ABCC6: variants seen among roughly 807,000 people sequenced by gnomAD.
ABCC6 encodes ATP binding cassette subfamily C member 6, also known as ATP-binding cassette sub-family C member 6.
In ABCC6, 126 loss-of-function variants were observed where a neutral mutation model predicts 169.5. That is an observed-to-expected ratio of 0.74 (90% CI 0.64 to 0.86). ABCC6 has a LOEUF of 0.86. Among genes scored for constraint, ABCC6 ranks in the 40% least tolerant of loss-of-function variants. ABCC6 has a pLI of 0.00. For synonymous variants in ABCC6, 752 were observed against 814.7 expected (o/e 0.92, Z 1.31); for missense variants, 1,733 against 1,927.2 (o/e 0.90, Z 1.89).
chr16:16,192,757 G>T (rs6498618), intron 11 of ABCC6, 73 bp downstream of exon 11: 2 of 1,419,876 alleles, frequency 1.4e-6, no homozygotes, highest in South Asian at 1.2e-5. Flanking sequence ...TCTCCCCTCC[G>T]CATCTCCCAC....
chr16:16,180,462 C>G (rs1484369760), intron 17 of ABCC6, among the ~76,000 whole-genome samples: 3 of 152,004 alleles, frequency 2.0e-5, no homozygotes, highest in Admixed American at 6.6e-5. Context: ...TCTATCTAGG[C>G]CTTCTTGTCT....
At position 16,165,741 on chromosome 16, in the gene ABCC6, A is replaced by C. The variant is rs72657695; in HGVS notation, c.3188T>G (p.Leu1063Arg). ...AAAGGCGTACATCAGCAGGGACCGG[A>C]GTTTGTCTGGAATGTCCACGTCAAC... Reference protein sequence around the residue: ...DTVDVDIPDKLRSLLMYAFGL... With the variant: ...DTVDVDIPDKRRSLLMYAFGL... Residue 1063 changes from leucine (L) to arginine (R), a missense_variant, in exon 23 of 31, where the codon CTC becomes CGC. By Grantham distance (102) the Leu-to-Arg change is moderately radical (BLOSUM62 -2). Transcript: ENST00000205557. 6.8e-6 allele frequency: 11 copies of C among 1,613,564 alleles called. No individual in the cohort carries two copies. The highest frequency in any genetic ancestry group is 9.3e-6 in the Non-Finnish European group (11 of 1,180,028).
intron 22 of ABCC6, among the ~76,000 whole-genome samples, chr16:16,168,255 G>C (rs4781731): frequency 1.9e-5 from 1 of 52,366 alleles, no homozygotes; most frequent in Non-Finnish European, 6.2e-5. Context: ...ACTTTGGGAG[G>C]TTGAGGCGGA....
intron 15 of ABCC6, 63 bp downstream of exon 15, chr16:16,184,896 A>G: frequency 6.5e-7 from 1 of 1,528,874 alleles, no homozygotes; most frequent in South Asian, 1.1e-5. Flanking sequence ...GGGAGGCAGC[A>G]GGAGCCCCAT....
chr16:16,204,519 A>G (rs576021465), intron 7 of ABCC6, among the ~76,000 whole-genome samples: 1 of 152,344 alleles, frequency 6.6e-6, no homozygotes, highest in East Asian at 1.9e-4. Flanking sequence ...AAGTGCAGAC[A>G]GAAGCTCAGG....
chr16:16,176,396 T>C (rs754791686), intron 19 of ABCC6, among the ~76,000 whole-genome samples: 3 of 152,182 alleles, frequency 2.0e-5, no homozygotes, highest in Non-Finnish European at 4.4e-5. Flanking sequence ...CCCCCAGGTG[T>C]GGCCAGTAAC....
In ABCC6 at chr16:16,177,531, G is replaced by A. The variant is rs72650702; in HGVS notation, c.2511C>T (p.Tyr837=). 1 of 1,613,902 alleles carries A rather than the reference G, an allele frequency of 6.2e-7. No individual in the cohort carries two copies. The highest frequency in any genetic ancestry group is 8.5e-7 in the Non-Finnish European group (1 of 1,179,938). Residue 837 remains tyrosine, a synonymous_variant, in exon 19 of 31, where the codon TAC becomes TAT. Transcript: ENST00000205557. ...ANGAIAEMGS[Y]QELLQRKGAL... Reference sequence around the variant, plus strand: ...CCCCCTTCCTCTGCAGAAGCTCCTGGTAGGAACCCATCTCTGCGATGGCCC... The same window carrying A: ...CCCCCTTCCTCTGCAGAAGCTCCTGATAGGAACCCATCTCTGCGATGGCCC...
At chr16:16,152,722 CGGGGGTGGGGGTGTGGGGT>C (rs2046424236) in intron 29 of ABCC6, among the ~76,000 whole-genome samples, 1 of 1,754 alleles carries the variant, frequency 5.7e-4, no homozygotes, top group Non-Finnish European at 2.3e-3. Context: ...CAGGGCGGGG[CGGGGGTGGGGGTGTGGGGT>C]GGGGGGCCTG....
intron 21 of ABCC6, among the ~76,000 whole-genome samples, chr16:16,170,919 CA>C (rs1220574453): frequency 0.013 from 280 of 22,314 alleles, no homozygotes; most frequent in Non-Finnish European, 0.02. Flanking sequence ...AACTCTGTCT[CA>C]AAAAAAAAAA....
chr16:16,213,423 C>T (rs1257025706), intron 5 of ABCC6, among the ~76,000 whole-genome samples: 1 of 152,084 alleles, frequency 6.6e-6, no homozygotes, highest in Non-Finnish European at 1.5e-5. Context: ...TATATGATGT[C>T]AGATCAGTCT....
rs768991063 is a variant in ABCC6 at position 16,184,950 on chromosome 16, G to A, written c.1943+9C>T. ...CATGAGGCTGGTTACTACGGGTGTC[G>A]TTCTGTACCTGTGGAGGCAGGGAGG... On this transcript the variant is annotated intron_variant, in intron 15 of 30. Transcript: ENST00000205557. 7 of 1,611,152 alleles carry A rather than the reference G, an allele frequency of 4.3e-6. No individual in the cohort carries two copies. The highest frequency in any genetic ancestry group is 2.7e-5 in the African/African-American group (2 of 75,000).
At position 16,217,946 on chromosome 16, in the gene ABCC6, T is replaced by C. The variant is rs2856593; in HGVS notation, c.474+1608A>G. Among the ~76,000 whole-genome samples, 88 of 151,372 alleles carry C rather than the reference T, an allele frequency of 5.8e-4. 2 individuals carry two copies. Among genetic ancestry groups the C allele is most frequent in the South Asian group, 5.2e-3 (25 of 4,818 alleles). On this transcript the variant is annotated intron_variant, in intron 4 of 30. Coordinates refer to ENST00000205557, the MANE Select transcript of ABCC6 (RefSeq NM_001171.6). ...CTCTACTAAAAATACAAAAATTAGC[T>C]GGGCATGGTGGCACATGCCTGTAAT...
rs771584027 is a variant in ABCC6 at position 16,161,500 on chromosome 16, C to T, written c.3571G>A (p.Val1191Met). 2 of 1,614,004 alleles carry T rather than the reference C, an allele frequency of 1.2e-6. No homozygotes were observed. Among genetic ancestry groups the T allele is most frequent in the Non-Finnish European group, 1.7e-6 (2 of 1,180,042 alleles). ...GLVFAAATCAVLSKAHLSAGL... is the reference protein window; with the variant it reads ...GLVFAAATCAMLSKAHLSAGL... ...GCACTGAGGTGGGCTTTGCTCAGCA[C>T]AGCACACGTGGCAGCTGCAAACACC... Residue 1191 changes from valine to methionine, a missense_variant, in exon 25 of 31, where the codon GTG (valine) becomes ATG (methionine). Transcript: ENST00000205557.
Position 16,178,857 on chromosome 16 carries a change from G to T in ABCC6, c.2356C>A (p.His786Asn), listed in dbSNP as rs755590289. The T allele has an allele frequency of 3.1e-6, 5 of 1,613,774 alleles. No homozygotes were observed. Among genetic ancestry groups the T allele is most frequent in the Non-Finnish European group, 4.2e-6 (5 of 1,180,012 alleles). ...LDDPLAALDA[H>N]VGQHVFNQVI... The stretch of plus-strand genomic sequence containing the variant: ...TGGTTGAAGACATGCTGGCCAACGT[G>T]GGCATCCAGGGCCGCCAGGGGGTCA... The change falls in exon 18 of 31, where the codon CAC becomes AAC. Residue 786 changes from histidine to asparagine, a missense_variant. Physicochemically the swap from His to Asn is moderately conservative, Grantham distance 68 (BLOSUM62 1). This residue lies in a region of ABCC6 where 1,601 missense variants were observed against 1,635.5 expected (regional missense o/e 0.98). Coordinates refer to ENST00000205557, the MANE Select transcript of ABCC6 (RefSeq NM_001171.6).
At chr16:16,212,956 C>T (rs987561628) in intron 5 of ABCC6, among the ~76,000 whole-genome samples, 2 of 152,022 alleles carry the variant, frequency 1.3e-5, no homozygotes, top group South Asian at 2.1e-4. Flanking sequence ...ACCAATAAGG[C>T]GTGAAGGTGC....
In ABCC6 at chr16:16,179,773, T is replaced by C. The variant is rs566151367; in HGVS notation, c.2248-808A>G. ...GCCTGGCTAGTTTCTGTATTTTTAG[T>C]AGAGATGGGGTTTCACCATGGTGGC... On this transcript the variant is annotated intron_variant, in intron 17 of 30. Transcript: ENST00000205557. 2.0e-4 allele frequency among the ~76,000 whole-genome samples: 30 copies of C among 152,250 alleles called. No homozygotes were observed. The East Asian group carries it at 5.8e-3, about 29-fold the overall frequency.
intron 20 of ABCC6, among the ~76,000 whole-genome samples, chr16:16,174,921 G>A (rs1320259020): frequency 3.3e-5 from 5 of 150,822 alleles, no homozygotes; most frequent in Non-Finnish European, 7.4e-5. Context: ...CCACCACGCC[G>A]GCTTTTTTTT....
Position 16,214,641 on chromosome 16 carries a change from G to A in ABCC6, c.475-192C>T, listed in dbSNP as rs376384684. 4.6e-5 allele frequency among the ~76,000 whole-genome samples: 7 copies of A among 152,152 alleles called. No individual in the cohort carries two copies. The East Asian group carries it at 9.7e-4, about 21-fold the overall frequency. On this transcript the variant is annotated intron_variant, in intron 4 of 30. Coordinates refer to ENST00000205557, the MANE Select transcript of ABCC6 (RefSeq NM_001171.6). Reference sequence around the variant, plus strand: ...TTTTTTTAAGACAAAGTCTCACTTGGTCGCCCAGGCTGAAGTGCAGTGGCA... The same window carrying A: ...TTTTTTTAAGACAAAGTCTCACTTGATCGCCCAGGCTGAAGTGCAGTGGCA...
At chr16:16,205,420 A>G (rs1452308275) in intron 7 of ABCC6, among the ~76,000 whole-genome samples, 1 of 152,144 alleles carries the variant, frequency 6.6e-6, no homozygotes, top group African/African-American at 2.4e-5. Flanking sequence ...CCATAATAAA[A>G]TAATAATAAA....
Sources: gnomAD v4.1 joint callset for allele counts (sites outside exome capture counted in the v4.1 genomes callset) on GRCh38, gnomAD v4.1.1 for gene constraint, gnomAD v4.1.1 regional missense constraint, MANE v1.5 for transcripts, NCBI Gene and HGNC (gene_info 2026-07-23, HGNC 2026-07-21) for gene names.